Variants in SGCZ observed in about 807,000 individuals in gnomAD.
SGCZ encodes zeta-sarcoglycan.
In SGCZ, 40 loss-of-function variants were observed where a neutral mutation model predicts 41.3. The ratio of observed to expected loss-of-function variants is 0.97; its 90% CI spans 0.75 to 1.26. The LOEUF (loss-of-function observed/expected upper bound fraction) is 1.26, where lower values mean the gene tolerates loss of function less well. Ranked by LOEUF, SGCZ falls within the 50% of genes most tolerant of loss-of-function variation. The probability of loss-of-function intolerance (pLI) is 0.00; values close to 1 mark genes in which losing one functional copy is unlikely to be tolerated. For synonymous variants in SGCZ, 206 were observed against 137.5 expected (o/e 1.50, Z -3.49); for missense variants, 552 against 369.8 (o/e 1.49, Z -4.04).
chr8:14,297,547 C>T (rs960993131), intron 3 of SGCZ, among the ~76,000 whole-genome samples: 7 of 151,656 alleles, frequency 4.6e-5, no homozygotes, highest in East Asian at 3.9e-4. Flanking sequence ...CCAAAATTAC[C>T]GCTTTCTAGA....
intron 1 of SGCZ, among the ~76,000 whole-genome samples, chr8:14,639,112 T>C (rs1317630185): frequency 6.7e-6 from 1 of 148,946 alleles, no homozygotes; most frequent in Non-Finnish European, 1.5e-5. Context: ...AGTGGTGCAC[T>C]CTTGGCTCAC....
chr8:14,198,599 GA>G (rs33970266), intron 4 of SGCZ, among the ~76,000 whole-genome samples: 3 of 151,386 alleles, frequency 2.0e-5, no homozygotes, highest in Admixed American at 6.6e-5. Context: ...AATAAAAGTT[GA>G]AAAAAAAGAG....
chr8:15,020,462 T>C (rs1803208562), intron 1 of SGCZ, among the ~76,000 whole-genome samples: 1 of 152,064 alleles, frequency 6.6e-6, no homozygotes, highest in Admixed American at 6.6e-5. Flanking sequence ...TGGGTGCATA[T>C]ATATATGAGG....
chr8:14,228,805 C>T lies in SGCZ; in HGVS notation c.424+8787G>A, dbSNP rs185268693. Among the ~76,000 whole-genome samples, 5 of 152,122 alleles carry T rather than the reference C, an allele frequency of 3.3e-5. No homozygotes were observed. In the East Asian group the frequency reaches 9.7e-4, roughly 29 times the overall value. On this transcript the variant is annotated intron_variant, in intron 4 of 7. Coordinates refer to ENST00000382080, the MANE Select transcript of SGCZ (RefSeq NM_139167.4). ...AACTAAAGTTACTGTTACCAAAGGCCATATATTCAAATATGTATATTTTGT... is the reference window on the plus strand; with the variant it reads ...AACTAAAGTTACTGTTACCAAAGGCTATATATTCAAATATGTATATTTTGT...
At chr8:14,870,418 C>T (rs567563647) in intron 1 of SGCZ, among the ~76,000 whole-genome samples, 1 of 152,088 alleles carries the variant, frequency 6.6e-6, no homozygotes, top group Non-Finnish European at 1.5e-5. Context: ...TTTCTTACAC[C>T]TTATATAAAA....
At chr8:14,311,774 G>C (rs1801553560) in intron 3 of SGCZ, among the ~76,000 whole-genome samples, 1 of 148,772 alleles carries the variant, frequency 6.7e-6, no homozygotes, top group Non-Finnish European at 1.5e-5. Context: ...ACCCAGTAAA[G>C]TGAATGTTCA....
intron 1 of SGCZ, among the ~76,000 whole-genome samples, chr8:15,179,467 A>C (rs572001049): frequency 6.6e-6 from 1 of 152,326 alleles, no homozygotes; most frequent in African/African-American, 2.4e-5. Context: ...GTAGGCATTA[A>C]AGGGTTTTCA....
chr8:14,792,926 C>T (rs1801001757), intron 1 of SGCZ, among the ~76,000 whole-genome samples: 1 of 152,142 alleles, frequency 6.6e-6, no homozygotes, highest in South Asian at 2.1e-4. Flanking sequence ...TATTGGCATG[C>T]TGATGACACT....
At chr8:14,169,640 T>C (rs1309000008) in intron 4 of SGCZ, among the ~76,000 whole-genome samples, 2 of 152,170 alleles carry the variant, frequency 1.3e-5, no homozygotes, top group East Asian at 3.9e-4. Context: ...CACAGGGGTA[T>C]GTGGGGCTGG....
intron 1 of SGCZ, among the ~76,000 whole-genome samples, chr8:14,797,082 G>C (rs1001380942): frequency 6.6e-6 from 1 of 152,106 alleles, no homozygotes; most frequent in Non-Finnish European, 1.5e-5. Flanking sequence ...TGGTAAATTG[G>C]TACCAGAAGA....
chr8:14,795,875 T>G (rs1801110984), intron 1 of SGCZ, among the ~76,000 whole-genome samples: 1 of 152,190 alleles, frequency 6.6e-6, no homozygotes. Context: ...CCTCTATGTG[T>G]CCATATGTTC....
intron 1 of SGCZ, among the ~76,000 whole-genome samples, chr8:15,000,542 G>C (rs9693111): frequency 0.4 from 61,066 of 151,996 alleles, 12,541 homozygotes; most frequent in African/African-American, 0.45. Flanking sequence ...AGCTTGCATG[G>C]GTGAGTGCCC....
At chr8:14,502,702 C>G (rs1222230337) in intron 2 of SGCZ, among the ~76,000 whole-genome samples, 2 of 152,262 alleles carry the variant, frequency 1.3e-5, no homozygotes, top group African/African-American at 2.4e-5. Flanking sequence ...TGAAAAAAAG[C>G]TCATCATCAC....
At chr8:14,432,868 C>G (rs1286944365) in intron 2 of SGCZ, among the ~76,000 whole-genome samples, 1 of 134,192 alleles carries the variant, frequency 7.5e-6, no homozygotes, top group South Asian at 2.4e-4. Context: ...AAGCCAAGAT[C>G]GTGCTACTGC....
At chr8:14,695,071 G>A (rs1429753298) in intron 1 of SGCZ, among the ~76,000 whole-genome samples, 1 of 152,056 alleles carries the variant, frequency 6.6e-6, no homozygotes, top group Non-Finnish European at 1.5e-5. Context: ...TGCCTGAAAA[G>A]CAAAGTGACT....
intron 1 of SGCZ, among the ~76,000 whole-genome samples, chr8:15,136,713 A>G (rs1328854100): frequency 6.6e-6 from 1 of 152,202 alleles, no homozygotes; most frequent in East Asian, 1.9e-4. Flanking sequence ...AGGTGCCTTT[A>G]ACCATGATTG....
At chr8:14,971,925 T>C (rs1801312168) in intron 1 of SGCZ, among the ~76,000 whole-genome samples, 1 of 152,114 alleles carries the variant, frequency 6.6e-6, no homozygotes, top group Non-Finnish European at 1.5e-5. Flanking sequence ...TATATACTTT[T>C]GCATGCTATT....
intron 2 of SGCZ, among the ~76,000 whole-genome samples, chr8:14,476,515 C>G (rs1801365909): frequency 6.6e-6 from 1 of 151,922 alleles, no homozygotes; most frequent in Non-Finnish European, 1.5e-5. Flanking sequence ...TATTAGTGAG[C>G]TAGTAATTTT....
chr8:15,026,270 A>T (rs1345844074), intron 1 of SGCZ, among the ~76,000 whole-genome samples: 1 of 152,152 alleles, frequency 6.6e-6, no homozygotes, highest in Non-Finnish European at 1.5e-5. Context: ...CTACTTCCTG[A>T]AAGAAATACC....
Sources: allele counts gnomAD v4.1 joint callset (sites outside exome capture counted in the v4.1 genomes callset), GRCh38; gene constraint gnomAD v4.1.1; transcripts MANE v1.5; gene names NCBI Gene and HGNC (gene_info 2026-07-23, HGNC 2026-07-21).